The following THSD7A variants were observed in gnomAD, a reference collection of about 807,000 sequenced individuals.
THSD7A encodes thrombospondin type-1 domain-containing protein 7A.
THSD7A carries 96 observed loss-of-function variants against 231.3 expected under a neutral mutation model. That is an observed-to-expected ratio of 0.41 (90% CI 0.35 to 0.49). The LOEUF (loss-of-function observed/expected upper bound fraction) is 0.49, where lower values mean the gene tolerates loss of function less well. Among genes scored for constraint, THSD7A ranks in the 20% least tolerant of loss-of-function variants. The pLI, the probability that THSD7A is intolerant of heterozygous loss-of-function variation, is 0.05. For synonymous variants in THSD7A, 940 were observed against 743.3 expected (o/e 1.26, Z -4.30); for missense variants, 2,290 against 2,070.2 (o/e 1.11, Z -2.06).
chr7:11,497,841 C>T (rs1027015332), intron 6 of THSD7A, among the ~76,000 whole-genome samples: 1 of 152,144 alleles, frequency 6.6e-6, no homozygotes, highest in African/African-American at 2.4e-5. Flanking sequence ...GACAATGGCT[C>T]ACCTGGGAGC....
chr7:11,666,677 G>GT (rs34380473), intron 1 of THSD7A, among the ~76,000 whole-genome samples: 80,057 of 150,574 alleles, frequency 0.53, 22,307 homozygotes, highest in African/African-American at 0.69. Flanking sequence ...TGATGAAACT[G>GT]TTTTTTGATT....
chr7:11,581,662 T>C (rs2128337923), intron 4 of THSD7A, among the ~76,000 whole-genome samples: 1 of 152,204 alleles, frequency 6.6e-6, no homozygotes, highest in African/African-American at 2.4e-5. Context: ...TTTGTAAAGA[T>C]CATCCTTCAC....
At chr7:11,551,736 C>T (rs1164113108) in intron 4 of THSD7A, among the ~76,000 whole-genome samples, 1 of 152,100 alleles carries the variant, frequency 6.6e-6, no homozygotes, top group Non-Finnish European at 1.5e-5. Flanking sequence ...AACACTTATA[C>T]ACTGCCAGTG....
At chr7:11,436,564 T>C (rs1272497205) in intron 13 of THSD7A, among the ~76,000 whole-genome samples, 1 of 152,050 alleles carries the variant, frequency 6.6e-6, no homozygotes, top group East Asian at 1.9e-4. Flanking sequence ...TGACTGACTT[T>C]TTCACATAGC....
chr7:11,738,527 T>A (rs1781994758), intron 1 of THSD7A, among the ~76,000 whole-genome samples: 1 of 152,038 alleles, frequency 6.6e-6, no homozygotes, highest in African/African-American at 2.4e-5. Context: ...CATGTTAAGT[T>A]TTGGAATTCT....
At chr7:11,794,644 CT>C (rs1784065816) in intron 1 of THSD7A, among the ~76,000 whole-genome samples, 1 of 151,932 alleles carries the variant, frequency 6.6e-6, no homozygotes, top group African/African-American at 2.4e-5. Flanking sequence ...TTCCAGTAAG[CT>C]TTAATATCAT....
chr7:11,698,062 C>T (rs111646336), intron 1 of THSD7A, among the ~76,000 whole-genome samples: 4,509 of 151,378 alleles, frequency 0.03, 239 homozygotes, highest in African/African-American at 0.1. Flanking sequence ...TAGACTCTGA[C>T]GCTTAATATT....
intron 1 of THSD7A, among the ~76,000 whole-genome samples, chr7:11,765,239 C>CTGTT (rs1436794918): frequency 6.6e-6 from 1 of 152,166 alleles, no homozygotes; most frequent in Non-Finnish European, 1.5e-5. Context: ...TTTCATCATG[C>CTGTT]TGTTGCTCAT....
rs1057393402 is a variant in THSD7A at position 11,406,397 on chromosome 7, G to T, written c.4140C>A (p.Ser1380Arg). 4 of 1,613,772 alleles carry T rather than the reference G, an allele frequency of 2.5e-6. No homozygotes were observed. In the African/African-American group the frequency reaches 5.3e-5, roughly 22 times the overall value. The change falls in exon 22 of 28, where the codon AGC becomes AGA. Residue 1380 changes from serine to arginine, a missense_variant. Transcript: ENST00000423059. This position sits in a 1 kb window ranked among gnomAD's most constrained non-coding sequence, Gnocchi z 4.7. ...CACAGAATTCCTCATCCACCACTTT[G>T]CTGAAATCATCAGCTGACCCATCAC... ...VVSDGSADDF[S>R]KVVDEEFCAD...
intron 4 of THSD7A, among the ~76,000 whole-genome samples, chr7:11,561,007 G>A (rs1477126009): frequency 1.3e-5 from 2 of 152,126 alleles, no homozygotes; most frequent in African/African-American, 2.4e-5. Flanking sequence ...AAACCCATGA[G>A]GTAGGTATTC....
At chr7:11,390,717 A>C (rs1034678128) in intron 23 of THSD7A, among the ~76,000 whole-genome samples, 6 of 152,132 alleles carry the variant, frequency 3.9e-5, no homozygotes, top group African/African-American at 1.4e-4. Flanking sequence ...GTTTCTCCCC[A>C]TCTTCGTGGA....
chr7:11,711,040 C>A (rs868712423), intron 1 of THSD7A, among the ~76,000 whole-genome samples: 1 of 150,818 alleles, frequency 6.6e-6, no homozygotes, highest in Non-Finnish European at 1.5e-5. Flanking sequence ...AAGGAAAATG[C>A]ATATTATGTC....
chr7:11,399,087 T>A (rs1005460976), intron 23 of THSD7A, among the ~76,000 whole-genome samples: 1 of 152,224 alleles, frequency 6.6e-6, no homozygotes, highest in African/African-American at 2.4e-5. Flanking sequence ...ATAACTGGTA[T>A]TTTTCCCACC....
intron 1 of THSD7A, chr7:11,821,130 T>A: frequency 9.3e-7 from 1 of 1,074,748 alleles, no homozygotes; most frequent in Non-Finnish European, 1.4e-6. Flanking sequence ...GCTCAGTTCC[T>A]CTATTTAGGT....
At position 11,558,734 on chromosome 7, in the gene THSD7A, T is replaced by C. The variant is rs755773089; in HGVS notation, c.1454-15617A>G. 1.3e-4 allele frequency among the ~76,000 whole-genome samples: 20 copies of C among 152,202 alleles called. No individual in the cohort carries two copies. The South Asian group carries it at 1.7e-3, about 13-fold the overall frequency. On this transcript the variant is annotated intron_variant, in intron 4 of 27. Transcript: ENST00000423059. ...TATCAAATAGGAGTAAAATTAAGCA[T>C]TGATTGTAAAATAATAATTGGAAAA...
At chr7:11,593,524 C>T (rs1282975823) in intron 2 of THSD7A, 22 bp from the exon 3 acceptor site, 1 of 1,610,230 alleles carries the variant, frequency 6.2e-7, no homozygotes, top group South Asian at 1.1e-5. Context: ...CATTGATATT[C>T]TCATTACAGA....
intron 1 of THSD7A, among the ~76,000 whole-genome samples, chr7:11,763,762 G>A (rs1002139608): frequency 6.6e-6 from 1 of 151,982 alleles, no homozygotes; most frequent in African/African-American, 2.4e-5. Context: ...GCCTTTCTAG[G>A]AAAATGATAT....
rs1428504471 is a variant in THSD7A, at chr7:11,637,142, A to G, written c.191-181T>C. Among the ~76,000 whole-genome samples the G allele has an allele frequency of 6.6e-6, 1 of 152,166 alleles. No homozygotes were observed. The highest frequency in any genetic ancestry group is 2.4e-5 in the African/African-American group (1 of 41,416). ...TCGCTAAGTATTTTTGCAAAAGGGG[A>G]ACTGTGTCACAGAGTCTATATAAGG... is the stretch of plus-strand genomic sequence containing the variant. On this transcript the variant is annotated intron_variant, in intron 1 of 27. Transcript: ENST00000423059. This position sits in a 1 kb window ranked among gnomAD's most constrained non-coding sequence, Gnocchi z 4.2.
At chr7:11,407,635 C>T (rs547301573) in intron 19 of THSD7A, among the ~76,000 whole-genome samples, 1 of 152,184 alleles carries the variant, frequency 6.6e-6, no homozygotes, top group Non-Finnish European at 1.5e-5. Flanking sequence ...AAAGAAGGGG[C>T]CCATTGAATC....
Sources: allele counts gnomAD v4.1 joint callset (sites outside exome capture counted in the v4.1 genomes callset), GRCh38; gene constraint gnomAD v4.1.1; non-coding constraint Gnocchi (gnomAD v3.1); transcripts MANE v1.5; gene names NCBI Gene and HGNC (gene_info 2026-07-23, HGNC 2026-07-21).